The following ZBBX variants were observed in gnomAD, a reference collection of about 807,000 sequenced individuals.
ZBBX encodes the protein zinc finger B-box domain-containing protein 1.
Under a neutral mutation model 108.5 loss-of-function variants are expected in ZBBX, and 101 were observed. That is an observed-to-expected ratio of 0.93 (90% CI 0.79 to 1.10). The LOEUF (loss-of-function observed/expected upper bound fraction) is 1.10, where lower values mean the gene tolerates loss of function less well. Among genes scored for constraint, ZBBX ranks in the 50% least tolerant of loss-of-function variants. The pLI, the probability that ZBBX is intolerant of heterozygous loss-of-function variation, is 0.00. For synonymous variants in ZBBX, 356 were observed against 323.4 expected, an observed-to-expected ratio of 1.10 and a Z score of -1.08; for missense variants, 1,009 against 941.4, an observed-to-expected ratio of 1.07 and a Z score of -0.94.
At chr3:167,365,770 G>A (rs1745221105) in intron 6 of ZBBX, 116 bp downstream of exon 6, 1 of 506,358 alleles carries the variant, frequency 2.0e-6, no homozygotes. Flanking sequence ...TGAATAATAT[G>A]CAAAGTTGTT....
chr3:167,278,411 A>C (rs1318093220), intron 20 of ZBBX, among the ~76,000 whole-genome samples: 1 of 142,294 alleles, frequency 7.0e-6, no homozygotes, highest in Non-Finnish European at 1.5e-5. Flanking sequence ...AAAATGATAA[A>C]GGGGATATCA....
chr3:167,317,056 T>C lies in ZBBX; in HGVS notation c.1143A>G (p.Thr381=), dbSNP rs1357823513. Residue 381 remains threonine, a synonymous_variant, in exon 14 of 22, where the codon ACA becomes ACG. Coordinates refer to ENST00000675490, the MANE Select transcript of ZBBX (RefSeq NM_001199201.2). ...QHTALLLPVE[T]LNIERPEPSL... ...ATGGTTCAGGTCTCTCTATGTTTAA[T>C]GTTTCTACTGGCAATAAAAGAGCTG... 1 of 1,611,124 alleles carries C rather than the reference T, an allele frequency of 6.2e-7. No individual in the cohort carries two copies. The highest frequency in any genetic ancestry group is 1.7e-5 in the Admixed American group (1 of 59,718).
chr3:167,289,903 G>A (rs991677534), intron 18 of ZBBX, among the ~76,000 whole-genome samples: 3 of 152,078 alleles, frequency 2.0e-5, no homozygotes, highest in Non-Finnish European at 4.4e-5. Flanking sequence ...GGTGAAGGGA[G>A]AGGTGTCTGC....
chr3:167,232,127 T>A, the ZBBX span, among the ~76,000 whole-genome samples: 1 of 151,784 alleles, frequency 6.6e-6, no homozygotes, highest in Admixed American at 6.6e-5. Flanking sequence ...GACATACTTT[T>A]TAGAAATATG....
chr3:167,279,883 C>T (rs1349518754), intron 20 of ZBBX, among the ~76,000 whole-genome samples: 1 of 152,136 alleles, frequency 6.6e-6, no homozygotes, highest in Non-Finnish European at 1.5e-5. Context: ...CAGCATGGTA[C>T]TGGTACCAAA....
At chr3:167,407,749 G>A (rs1748631504) in exon 1 of ZBBX, among the ~76,000 whole-genome samples, 1 of 152,092 alleles carries the variant, frequency 6.6e-6, no homozygotes, top group Admixed American at 6.6e-5. Context: ...AGGAGGAAGA[G>A]GAAGAGGAGG....
At chr3:167,183,205 C>T in the ZBBX span, among the ~76,000 whole-genome samples, 676 of 152,302 alleles carry the variant, frequency 4.4e-3, 1 homozygote, top group African/African-American at 0.016. Context: ...TTATACTCTC[C>T]TTCCTCCTCA....
chr3:167,251,708 A>C (rs1202851352), intron 20 of ZBBX, among the ~76,000 whole-genome samples: 1 of 152,200 alleles, frequency 6.6e-6, no homozygotes, highest in Non-Finnish European at 1.5e-5. Context: ...ATTTTAATTA[A>C]TGATCAAATA....
At chr3:167,298,183 C>G in intron 18 of ZBBX, 122 bp downstream of exon 18, 1 of 682,220 alleles carries the variant, frequency 1.5e-6, no homozygotes. Flanking sequence ...TATATGGCAA[C>G]TAATACAAGG....
chr3:167,192,493 T>G, the ZBBX span, among the ~76,000 whole-genome samples: 1 of 152,212 alleles, frequency 6.6e-6, no homozygotes, highest in Non-Finnish European at 1.5e-5. Flanking sequence ...AAAGTCTGTA[T>G]GAATTTGAGC....
chr3:167,360,822 T>C (rs560889757), intron 6 of ZBBX, 99 bp from the exon 7 acceptor site: 1 of 581,874 alleles, frequency 1.7e-6, no homozygotes, highest in East Asian at 3.6e-5. Context: ...TTGGTGCTTT[T>C]CGAACAAAAA....
intron 1 of ZBBX, chr3:167,392,899 T>C (rs1371871468): frequency 1.3e-5 from 2 of 151,834 alleles, no homozygotes; most frequent in African/African-American, 4.8e-5. Flanking sequence ...AATCTGAAGT[T>C]CAAGGCAGAG....
chr3:167,294,704 T>C (rs1046817935), intron 18 of ZBBX, among the ~76,000 whole-genome samples: 1 of 152,122 alleles, frequency 6.6e-6, no homozygotes, highest in Non-Finnish European at 1.5e-5. Flanking sequence ...TGGGATCTAA[T>C]TAAACTAAAG....
At chr3:167,393,815 A>G (rs1230719081) in intron 1 of ZBBX, among the ~76,000 whole-genome samples, 1 of 151,918 alleles carries the variant, frequency 6.6e-6, no homozygotes, top group Non-Finnish European at 1.5e-5. Context: ...AAAACATGAT[A>G]CAAGAGCTAA....
Position 167,328,127 on chromosome 3 carries a change from G to T in ZBBX, c.688-11C>A. On this transcript the variant is annotated splice_polypyrimidine_tract_variant and intron_variant, in intron 10 of 21. Transcript: ENST00000675490. ...CGTTGTAATTTCTACCTAATTAAAAGGATACATAGGCATGCTTTATTAAAT... is the reference window on the plus strand; with the variant it reads ...CGTTGTAATTTCTACCTAATTAAAATGATACATAGGCATGCTTTATTAAAT... 1.3e-6 allele frequency: 2 copies of T among 1,593,650 alleles called. No individual in the cohort carries two copies. Among genetic ancestry groups the T allele is most frequent in the South Asian group, 2.3e-5 (2 of 86,988 alleles).
chr3:167,367,669 G>A (rs1054716171), intron 5 of ZBBX, among the ~76,000 whole-genome samples: 2 of 150,804 alleles, frequency 1.3e-5, no homozygotes, highest in South Asian at 2.1e-4. Flanking sequence ...ATGTATATAC[G>A]TATACTTACA....
chr3:167,313,969 G>A lies in ZBBX; in HGVS notation c.1417+5C>T, dbSNP rs1333962573. On this transcript the variant is annotated splice_donor_5th_base_variant and intron_variant, in intron 16 of 21. Coordinates refer to ENST00000675490, the MANE Select transcript of ZBBX (RefSeq NM_001199201.2). ...AATAATATCCAGCAACAAGAAAAAT[G>A]TTACCTTTTGAATTATCTTTATAAT... 3.2e-6 allele frequency: 5 copies of A among 1,567,604 alleles called. No homozygotes were observed. The highest frequency in any genetic ancestry group is 4.3e-6 in the Non-Finnish European group (5 of 1,159,348).
chr3:167,269,752 G>C lies in ZBBX; in HGVS notation c.2254+12486C>G, dbSNP rs1486384259. On this transcript the variant is annotated intron_variant, in intron 20 of 21. Coordinates refer to ENST00000675490, the MANE Select transcript of ZBBX (RefSeq NM_001199201.2). ...TCATACCGGTTAGTACAAAATCTTA[G>C]AGCTATCAACCAAATAGTACCAACT... Among the ~76,000 whole-genome samples, 4 of 152,156 alleles carry C rather than the reference G, an allele frequency of 2.6e-5. No homozygotes were observed. In the South Asian group the frequency reaches 8.3e-4, roughly 32 times the overall value.
At chr3:167,314,224 G>A (rs903590006) in intron 15 of ZBBX, 108 bp from the exon 16 acceptor site, 9 of 811,658 alleles carry the variant, frequency 1.1e-5, no homozygotes, top group Non-Finnish European at 1.6e-5. Context: ...ACTTTAATAG[G>A]GTTATTTACA....
Sources: gnomAD v4.1 joint callset for allele counts (sites outside exome capture counted in the v4.1 genomes callset) on GRCh38, gnomAD v4.1.1 for gene constraint, MANE v1.5 for transcripts, NCBI Gene and HGNC (gene_info 2026-07-23, HGNC 2026-07-21) for gene names.